PPP3R1: variants seen among roughly 807,000 people sequenced by gnomAD.
PPP3R1 encodes the protein protein phosphatase 3 regulatory subunit B, alpha, also known as calcineurin subunit B type 1.
A neutral mutation model predicts 22.6 loss-of-function variants in PPP3R1; 5 were observed. The ratio of observed to expected loss-of-function variants is 0.22; its 90% confidence interval spans 0.12 to 0.46. The LOEUF (loss-of-function observed/expected upper bound fraction) is 0.46. Among genes scored for constraint, PPP3R1 ranks in the 20% least tolerant of loss-of-function variants. The probability of loss-of-function intolerance (pLI) is 0.99; values close to 1 mark genes in which losing one functional copy is unlikely to be tolerated. For missense variants in PPP3R1, 61 were observed against 203.2 expected, an observed-to-expected ratio of 0.30 and a Z score of 4.25; for synonymous variants, 56 against 65.2, an observed-to-expected ratio of 0.86 and a Z score of 0.68.
intron 1 of PPP3R1, among the ~76,000 whole-genome samples, chr2:68,224,921 TA>T (rs1669755077): frequency 6.6e-6 from 1 of 152,102 alleles, no homozygotes; most frequent in South Asian, 2.1e-4. Flanking sequence ...TAACATCAAA[TA>T]AACACATGAA....
chr2:68,196,617 C>A (rs1299914586), intron 2 of PPP3R1, among the ~76,000 whole-genome samples: 1 of 152,104 alleles, frequency 6.6e-6, no homozygotes, highest in Non-Finnish European at 1.5e-5. Context: ...AGTAATGAGT[C>A]TTTTTGGAGC....
chr2:68,228,288 T>C (rs1669824980), intron 1 of PPP3R1, among the ~76,000 whole-genome samples: 2 of 151,814 alleles, frequency 1.3e-5, no homozygotes, highest in African/African-American at 4.8e-5. Flanking sequence ...CTCTATTTGT[T>C]AATGTTTTAA....
chr2:68,243,382 T>C (rs777542448), intron 1 of PPP3R1, among the ~76,000 whole-genome samples: 1 of 152,228 alleles, frequency 6.6e-6, no homozygotes, highest in Non-Finnish European at 1.5e-5. Flanking sequence ...TCCTTTATTA[T>C]GGAGTCTATG....
chr2:68,209,588 A>G (rs1264557719), intron 2 of PPP3R1, among the ~76,000 whole-genome samples: 3 of 151,798 alleles, frequency 2.0e-5, no homozygotes, highest in Non-Finnish European at 4.4e-5. Flanking sequence ...CCCGGACTCT[A>G]CAAAAAAATG....
intron 2 of PPP3R1, among the ~76,000 whole-genome samples, chr2:68,211,406 C>CAAAA (rs3979551): frequency 0.16 from 12,046 of 77,178 alleles, 2,087 homozygotes; most frequent in African/African-American, 0.39. Context: ...GACTCTGTCT[C>CAAAA]AAAAAAAAAA....
rs1356562247 is a variant in PPP3R1, at chr2:68,252,400, G to A, written c.-273C>T. 4 of 1,001,090 alleles carry A rather than the reference G, an allele frequency of 4.0e-6. No homozygotes were observed. Among genetic ancestry groups the A allele is most frequent in the Admixed American group, 6.0e-5 (1 of 16,738 alleles). 62.0% of individuals were successfully genotyped at this position (1,001,090 alleles called of 1,614,324 possible). A position where few individuals can be genotyped will look rare whatever the true frequency, so the allele number is the denominator to read the frequency against. ...AGGAGCAGCGGCGAGAGGCAGGAGAGGCAGAGAAGAAGAAAGGAGGGGGAG... is the reference window on the plus strand; with the variant it reads ...AGGAGCAGCGGCGAGAGGCAGGAGAAGCAGAGAAGAAGAAAGGAGGGGGAG... On this transcript the variant is annotated 5_prime_UTR_variant, in exon 1 of 6. Transcript: ENST00000234310.
intron 1 of PPP3R1, among the ~76,000 whole-genome samples, chr2:68,233,953 G>A (rs1260919884): frequency 2.0e-5 from 3 of 152,132 alleles, no homozygotes; most frequent in Admixed American, 1.3e-4. Flanking sequence ...AAAAAAAACA[G>A]AGAAATAACA....
At chr2:68,219,002 A>C (rs150350164) in intron 1 of PPP3R1, among the ~76,000 whole-genome samples, 61 of 152,264 alleles carry the variant, frequency 4.0e-4, no homozygotes, top group Admixed American at 8.5e-4. Context: ...TCTTGCTCCT[A>C]AACTTGGAAT....
intron 2 of PPP3R1, among the ~76,000 whole-genome samples, chr2:68,194,366 A>C (rs1674726742): frequency 6.6e-6 from 1 of 152,132 alleles, no homozygotes; most frequent in Non-Finnish European, 1.5e-5. Context: ...GACTTCAAGA[A>C]TCTTGTTAAT....
intron 1 of PPP3R1, among the ~76,000 whole-genome samples, chr2:68,227,510 A>G (rs534950275): frequency 5.3e-5 from 8 of 152,042 alleles, no homozygotes; most frequent in Non-Finnish European, 1.0e-4. Flanking sequence ...AAAGATCAAA[A>G]GACAGAAACA....
At chr2:68,250,365 G>A (rs1487470405) in intron 1 of PPP3R1, among the ~76,000 whole-genome samples, 2 of 152,164 alleles carry the variant, frequency 1.3e-5, no homozygotes, top group African/African-American at 4.8e-5. Flanking sequence ...AACAGAGGAC[G>A]GGGTGCACCG....
chr2:68,184,111 A>G (rs554982260), intron 5 of PPP3R1, among the ~76,000 whole-genome samples: 33 of 152,296 alleles, frequency 2.2e-4, no homozygotes, highest in Non-Finnish European at 3.1e-4. Context: ...ACTCTCCCCA[A>G]TCTCTTGATA....
intron 1 of PPP3R1, among the ~76,000 whole-genome samples, chr2:68,236,476 C>T (rs1396927379): frequency 6.6e-6 from 1 of 152,154 alleles, no homozygotes; most frequent in Non-Finnish European, 1.5e-5. Flanking sequence ...AACAGCTATG[C>T]TCCGCTTGAA....
intron 1 of PPP3R1, among the ~76,000 whole-genome samples, chr2:68,235,027 G>A (rs1287087541): frequency 6.6e-6 from 1 of 152,160 alleles, no homozygotes; most frequent in Non-Finnish European, 1.5e-5. Flanking sequence ...GGAACACAGA[G>A]GGAAAATGTG....
At chr2:68,201,785 G>A (rs917734031) in intron 2 of PPP3R1, among the ~76,000 whole-genome samples, 4 of 152,104 alleles carry the variant, frequency 2.6e-5, no homozygotes, top group East Asian at 1.9e-4. Flanking sequence ...TAGAAACTCC[G>A]AACTTTGAAT....
intron 2 of PPP3R1, among the ~76,000 whole-genome samples, chr2:68,193,289 T>C (rs1674703464): frequency 6.6e-6 from 1 of 152,068 alleles, no homozygotes; most frequent in Admixed American, 6.6e-5. Flanking sequence ...ACATACCCCA[T>C]GTAGCTAAAA....
At chr2:68,225,508 C>T (rs1291357749) in intron 1 of PPP3R1, among the ~76,000 whole-genome samples, 1 of 152,212 alleles carries the variant, frequency 6.6e-6, no homozygotes, top group African/African-American at 2.4e-5. Context: ...TTCCCCAGAA[C>T]CTCCACAGGA....
chr2:68,240,174 C>G (rs1316265463), intron 1 of PPP3R1, among the ~76,000 whole-genome samples: 2 of 152,184 alleles, frequency 1.3e-5, no homozygotes, highest in Non-Finnish European at 2.9e-5. Context: ...TGAGTCTCAG[C>G]CAATTACAGC....
At chr2:68,225,597 G>A (rs1572970012) in intron 1 of PPP3R1, among the ~76,000 whole-genome samples, 1 of 152,210 alleles carries the variant, frequency 6.6e-6, no homozygotes, top group African/African-American at 2.4e-5. Flanking sequence ...GTGAGCTTCT[G>A]ATTTGCAGAA....
Sources: allele counts gnomAD v4.1 joint callset (sites outside exome capture counted in the v4.1 genomes callset), GRCh38; gene constraint gnomAD v4.1.1; transcripts MANE v1.5; gene names NCBI Gene and HGNC (gene_info 2026-07-23, HGNC 2026-07-21).